Variants in PIGQ observed in about 807,000 individuals in gnomAD.
PIGQ encodes phosphatidylinositol N-acetylglucosaminyltransferase subunit Q.
A neutral mutation model predicts 60.3 loss-of-function variants in PIGQ; 54 were observed. The ratio of observed to expected loss-of-function variants is 0.90; its 90% CI spans 0.72 to 1.12. The LOEUF (loss-of-function observed/expected upper bound fraction) is 1.12. PIGQ is among the 50% of genes most tolerant of loss of function. PIGQ has a pLI of 0.00. For missense variants in PIGQ, 799 were observed against 793.5 expected (o/e 1.01, Z -0.08); for synonymous variants, 416 against 363.7 (o/e 1.14, Z -1.64).
At position 578,583 on chromosome 16, in the gene PIGQ, C is replaced by T; in HGVS notation, c.1069+78C>T. 5 of 1,513,784 alleles carry T rather than the reference C, an allele frequency of 3.3e-6. No homozygotes were observed. In the East Asian group the frequency reaches 1.1e-4, roughly 34 times the overall value. The allele number at this position is 1,513,784 out of a possible 1,614,324, so 93.8% of individuals were successfully genotyped here. ...GTAGGGACCCAGCCAGACCCCGCCCCCTGTGCCCCCAACTCTGCTCCCCAG... is the reference window on the plus strand; with the variant it reads ...GTAGGGACCCAGCCAGACCCCGCCCTCTGTGCCCCCAACTCTGCTCCCCAG... On this transcript the variant is annotated intron_variant, in intron 5 of 10. Transcript: ENST00000321878.
rs781626299 is a variant in PIGQ at position 583,665 on chromosome 16, A to G, written c.*630A>G. 2 of 1,610,996 alleles carry G rather than the reference A, an allele frequency of 1.2e-6. No individual in the cohort carries two copies. Among genetic ancestry groups the G allele is most frequent in the South Asian group, 1.1e-5 (1 of 91,056 alleles). ...CCATCAGCAGGCTGTGAGCATCGCCAGGCTGCTGTGGGGGCGGGAGCAGCC... is the reference window on the plus strand; with the variant it reads ...CCATCAGCAGGCTGTGAGCATCGCCGGGCTGCTGTGGGGGCGGGAGCAGCC... On this transcript the variant is annotated 3_prime_UTR_variant, in exon 11 of 11. Coordinates refer to ENST00000321878, the MANE Select transcript of PIGQ (RefSeq NM_004204.5).
At position 575,670 on chromosome 16, in the gene PIGQ, C is replaced by T. The variant is rs115501976; in HGVS notation, c.690-169C>T. 0.035 allele frequency among the ~76,000 whole-genome samples: 5,370 copies of T among 152,268 alleles called. 199 individuals are homozygous for T. The highest frequency in any genetic ancestry group is 0.097 in the African/African-American group (4,010 of 41,544). On this transcript the variant is annotated intron_variant, in intron 2 of 10. Coordinates refer to ENST00000321878, the MANE Select transcript of PIGQ (RefSeq NM_004204.5). ...AGTCACGTGCACTGTGAGGTGGGCGCGTTGAGCGCTGCCTACCACCACCTG... is the reference window on the plus strand; with the variant it reads ...AGTCACGTGCACTGTGAGGTGGGCGTGTTGAGCGCTGCCTACCACCACCTG...
intron 1 of PIGQ, among the ~76,000 whole-genome samples, chr16:573,068 A>T (rs888309556): frequency 6.6e-6 from 1 of 152,190 alleles, no homozygotes; most frequent in Non-Finnish European, 1.5e-5. Flanking sequence ...CCGCCAGGGA[A>T]GGCATCAGTG....
rs200778529 is a variant in PIGQ at position 583,550 on chromosome 16, C to A, written c.*515C>A. On this transcript the variant is annotated 3_prime_UTR_variant, in exon 11 of 11. Coordinates refer to ENST00000321878, the MANE Select transcript of PIGQ (RefSeq NM_004204.5). The stretch of plus-strand genomic sequence containing the variant: ...CTGGGGGATTGAAGCAGTCGCTGAC[C>A]CCCGTCCCCAGCGGGCCCGGGCCCT... The A allele has an allele frequency of 4.3e-6, 7 of 1,612,366 alleles. No homozygotes were observed. Among genetic ancestry groups the A allele is most frequent in the Non-Finnish European group, 5.9e-6 (7 of 1,179,696 alleles).
chr16:573,673 C>T (rs1442651885), intron 1 of PIGQ, among the ~76,000 whole-genome samples: 2 of 152,228 alleles, frequency 1.3e-5, no homozygotes, highest in Non-Finnish European at 2.9e-5. Flanking sequence ...TTTAAGCACA[C>T]CTCTCTAATC....
chr16:583,900 G>C lies in PIGQ; in HGVS notation c.*865G>C. 1.9e-6 allele frequency: 1 copy of C among 534,838 alleles called. No individual in the cohort carries two copies. The highest frequency in any genetic ancestry group is 3.4e-6 in the Non-Finnish European group (1 of 292,020). The allele number at this position is 534,838 out of a possible 1,614,324, so 33.1% of individuals were successfully genotyped here. A position where few individuals can be genotyped will look rare whatever the true frequency, so the allele number is the denominator to read the frequency against. On this transcript the variant is annotated 3_prime_UTR_variant, in exon 11 of 11. Transcript: ENST00000321878. ...CTGAGGCCGAAAGTGCCTGCCAGACGGCACGGTCTGGGTGCGGGTGTTCCC... is the reference window on the plus strand; with the variant it reads ...CTGAGGCCGAAAGTGCCTGCCAGACCGCACGGTCTGGGTGCGGGTGTTCCC...
intron 9 of PIGQ, among the ~76,000 whole-genome samples, chr16:581,587 C>G (rs183048275): frequency 2.6e-5 from 4 of 151,738 alleles, no homozygotes; most frequent in Admixed American, 6.6e-5. Flanking sequence ...CTCAGCCTCC[C>G]GAGTAGCTAG....
intron 6 of PIGQ, 54 bp from the exon 7 acceptor site, chr16:579,009 GTGGGGC>G: frequency 2.6e-6 from 4 of 1,547,596 alleles, no homozygotes; most frequent in Non-Finnish European, 2.6e-6. Context: ...GGGCGTTCGA[GTGGGGC>G]GGGGGCGGGG....
At chr16:581,382 C>T (rs908194787) in intron 9 of PIGQ, 17 of 1,164,856 alleles carry the variant, frequency 1.5e-5, no homozygotes, top group Non-Finnish European at 1.8e-5. Context: ...CCCGTCCACT[C>T]AACAGCACAG....
chr16:576,481 T>C (rs2151045769), intron 4 of PIGQ: 1 of 601,890 alleles, frequency 1.7e-6, no homozygotes, highest in East Asian at 2.8e-5. Context: ...GAAGGGGCTG[T>C]GTGCAGGAGC....
intron 7 of PIGQ, 108 bp downstream of exon 7, chr16:579,288 A>C (rs151099929): frequency 0.03 from 24,363 of 810,022 alleles, 554 homozygotes; most frequent in South Asian, 0.065. Flanking sequence ...CCCGTCCTGC[A>C]GCTGAGGCCG....
intron 9 of PIGQ, chr16:581,337 A>T (rs1010962908): frequency 8.1e-7 from 1 of 1,235,362 alleles, no homozygotes; most frequent in African/African-American, 1.6e-5. Flanking sequence ...GGCGGCCACC[A>T]TCCAGTAAGT....
intron 9 of PIGQ, chr16:581,489 G>A (rs2035808681): frequency 2.5e-6 from 1 of 401,806 alleles, no homozygotes; most frequent in Admixed American, 5.9e-5. Flanking sequence ...TTGAGACGGA[G>A]TCTCACTTTG....
chr16:576,276 C>T, intron 4 of PIGQ, 22 bp downstream of exon 4: 1 of 1,550,498 alleles, frequency 6.4e-7, no homozygotes, highest in Non-Finnish European at 8.7e-7. Context: ...GGGGTGGAGC[C>T]CGGTGTCCCG....
intron 9 of PIGQ, 99 bp downstream of exon 9, chr16:581,071 C>A: frequency 7.4e-7 from 1 of 1,353,052 alleles, no homozygotes; most frequent in Non-Finnish European, 1.1e-6. Context: ...ACTGTGCCTC[C>A]AGCCTGGAAG....
intron 4 of PIGQ, 83 bp downstream of exon 4, chr16:576,337 C>T (rs2035718207): frequency 7.7e-6 from 11 of 1,435,212 alleles, no homozygotes; most frequent in Non-Finnish European, 1.0e-5. Context: ...GGGCCAGAGC[C>T]ACCGCCCCAC....
Position 580,243 on chromosome 16 carries a change from T to A in PIGQ, c.1396T>A (p.Tyr466Asn), listed in dbSNP as rs1416693787. Residue 466 changes from tyrosine to asparagine, a missense_variant, in exon 8 of 11, where the codon TAC (tyrosine) becomes AAC (asparagine). Tyr to Asn is a moderately radical substitution (Grantham distance 143). Coordinates refer to ENST00000321878, the MANE Select transcript of PIGQ (RefSeq NM_004204.5). ...CTTCCTCCTGCCTACCACAGCCCTG[T>A]ACTACCTGGTGTTCACCCTGGTGAG... ...LLFLLPTTAL[Y>N]YLVFTLLRLL... The A allele has an allele frequency of 2.5e-6, 4 of 1,612,154 alleles. No individual in the cohort carries two copies.
At chr16:578,018 T>C in intron 4 of PIGQ, 1 of 217,234 alleles carries the variant, frequency 4.6e-6, no homozygotes, top group Admixed American at 5.5e-5. Context: ...CGAATCAGGG[T>C]CTGCCAGGCC....
chr16:571,683 C>T (rs1019530861), intron 1 of PIGQ, among the ~76,000 whole-genome samples: 3 of 151,384 alleles, frequency 2.0e-5, no homozygotes, highest in Non-Finnish European at 1.5e-5. Context: ...CGTCCCATAC[C>T]TCCTCTGCTA....
Sources: allele counts gnomAD v4.1 joint callset (sites outside exome capture counted in the v4.1 genomes callset), GRCh38; gene constraint gnomAD v4.1.1; transcripts MANE v1.5; gene names NCBI Gene and HGNC (gene_info 2026-07-23, HGNC 2026-07-21).